The following PCSK5 variants were observed in gnomAD, a reference collection of about 807,000 sequenced individuals.
The protein encoded by PCSK5 is proprotein convertase subtilisin/kexin type 5, also known as prohormone convertase 5.
Under a neutral mutation model 233.2 loss-of-function variants are expected in PCSK5, and 129 were observed. The ratio of observed to expected loss-of-function variants is 0.55; its 90% CI spans 0.48 to 0.64. The LOEUF (loss-of-function observed/expected upper bound fraction) is 0.64, where lower values mean the gene tolerates loss of function less well. PCSK5 is among the 30% of genes least tolerant of loss of function. The pLI is 0.00. For missense variants in PCSK5, 2,076 were observed against 2,430.1 expected, an observed-to-expected ratio of 0.85 and a Z score of 3.06; for synonymous variants, 825 against 879.2, an observed-to-expected ratio of 0.94 and a Z score of 1.09.
intron 2 of PCSK5, among the ~76,000 whole-genome samples, chr9:75,946,231 G>A (rs1430986147): frequency 6.6e-6 from 1 of 152,190 alleles, no homozygotes; most frequent in Non-Finnish European, 1.5e-5. Context: ...TTATGGTGAT[G>A]TACACGGTAC....
intron 12 of PCSK5, among the ~76,000 whole-genome samples, chr9:76,166,496 TAATCCAGCAGTCA>T (rs1823092641): frequency 6.6e-6 from 1 of 152,220 alleles, no homozygotes; most frequent in Non-Finnish European, 1.5e-5. Context: ...TAGGGTCTGC[TAATCCAGCAGTCA>T]AATCATTGAC....
intron 1 of PCSK5, among the ~76,000 whole-genome samples, chr9:75,896,260 T>C (rs909160517): frequency 9.9e-5 from 15 of 152,154 alleles, no homozygotes; most frequent in Admixed American, 9.2e-4. Context: ...ACCTCATAGA[T>C]AAGGAATGGT....
intron 5 of PCSK5, among the ~76,000 whole-genome samples, chr9:76,029,604 G>A (rs922665728): frequency 1.6e-4 from 25 of 152,190 alleles, no homozygotes; most frequent in African/African-American, 4.8e-4. Context: ...ATGGAACTGC[G>A]TTCCATAAGG....
chr9:76,234,359 C>T (rs1587788388), intron 22 of PCSK5, among the ~76,000 whole-genome samples: 1 of 152,178 alleles, frequency 6.6e-6, no homozygotes, highest in Admixed American at 6.5e-5. Context: ...AAAGAGGCTG[C>T]TCTCCATCTC....
chr9:75,904,860 C>T (rs1462592310), intron 1 of PCSK5, among the ~76,000 whole-genome samples: 1 of 152,102 alleles, frequency 6.6e-6, no homozygotes, highest in African/African-American at 2.4e-5. Context: ...GTGTTCATGC[C>T]ATCATTATTC....
chr9:76,023,615 A>C lies in PCSK5; in HGVS notation c.412-123A>C, dbSNP rs74388657. 4,504 of 834,096 alleles carry C rather than the reference A, an allele frequency of 5.4e-3. 139 individuals are homozygous for C. Among genetic ancestry groups the C allele is most frequent in the South Asian group, 0.049 (2,336 of 48,014 alleles). The allele number at this position is 834,096 out of a possible 1,614,324, so 51.7% of individuals were successfully genotyped here. ...AGGAGTTTGAGGTTACAGTAAGCTC[A>C]TCACACTACTACACTCCAGCCTGGG... is the stretch of plus-strand genomic sequence containing the variant. On this transcript the variant is annotated intron_variant, in intron 3 of 37. Coordinates refer to ENST00000674117, the MANE Select transcript of PCSK5 (RefSeq NM_001372043.1).
At position 76,189,663 on chromosome 9, in the gene PCSK5, C is replaced by A; in HGVS notation, c.2543C>A (p.Pro848Gln). The change falls in exon 20 of 38, where the codon CCA (proline) becomes CAA (glutamine). Residue 848 changes from proline (P) to glutamine (Q), a missense_variant. Around this residue, in one of 6 missense-constraint regions of PCSK5, gnomAD observed 1,510 missense variants for 1,538.1 expected, o/e 0.98. Transcript: ENST00000674117. The part of the protein sequence containing the change: ...CDISCLTCNG[P>Q]GFKNCTSCPS... ...ATCAGTTGTTTGACGTGCAATGGCCCAGGATTCAAGAACTGTACAAGCTGC... is the reference window on the plus strand; with the variant it reads ...ATCAGTTGTTTGACGTGCAATGGCCAAGGATTCAAGAACTGTACAAGCTGC... The A allele has an allele frequency of 6.2e-7, 1 of 1,612,870 alleles. No individual in the cohort carries two copies. Among genetic ancestry groups the A allele is most frequent in the Non-Finnish European group, 8.5e-7 (1 of 1,178,976 alleles).
intron 2 of PCSK5, among the ~76,000 whole-genome samples, chr9:75,942,039 A>G (rs916005479): frequency 1.1e-4 from 16 of 152,254 alleles, no homozygotes; most frequent in Non-Finnish European, 2.4e-4. Flanking sequence ...AAAAGGTCAT[A>G]AACTCACGTG....
At chr9:76,289,498 C>CGCAACAT (rs1436442271) in intron 24 of PCSK5, among the ~76,000 whole-genome samples, 418 of 131,984 alleles carry the variant, frequency 3.2e-3, no homozygotes, top group South Asian at 0.01. Context: ...CACACACACA[C>CGCAACAT]ACACACACAC....
chr9:76,060,056 A>T (rs550281809), intron 5 of PCSK5, among the ~76,000 whole-genome samples: 2 of 152,338 alleles, frequency 1.3e-5, no homozygotes, highest in South Asian at 4.1e-4. Flanking sequence ...ATAAATGCCC[A>T]GATATTTATG....
intron 28 of PCSK5, among the ~76,000 whole-genome samples, chr9:76,303,536 C>T (rs1828682262): frequency 6.6e-6 from 1 of 152,152 alleles, no homozygotes; most frequent in Non-Finnish European, 1.5e-5. Flanking sequence ...GAAAATCAGC[C>T]TGAAGCCTGG....
chr9:76,344,507 G>A (rs1046575734), intron 35 of PCSK5, among the ~76,000 whole-genome samples: 4 of 152,306 alleles, frequency 2.6e-5, no homozygotes, highest in Admixed American at 1.3e-4. Context: ...TTTCATTCCA[G>A]AGACATATAT....
At chr9:75,967,898 G>A (rs1313200150) in intron 2 of PCSK5, among the ~76,000 whole-genome samples, 2 of 152,126 alleles carry the variant, frequency 1.3e-5, no homozygotes, top group East Asian at 3.9e-4. Context: ...GAATAGCTGG[G>A]ATTACAGGCA....
intron 20 of PCSK5, among the ~76,000 whole-genome samples, chr9:76,207,052 C>T (rs1564108170): frequency 6.6e-6 from 1 of 152,042 alleles, no homozygotes; most frequent in African/African-American, 2.4e-5. Flanking sequence ...GCAGTAGCCT[C>T]GTTAAATCTC....
At chr9:75,929,673 C>T (rs536505051) in intron 1 of PCSK5, among the ~76,000 whole-genome samples, 7 of 151,868 alleles carry the variant, frequency 4.6e-5, no homozygotes, top group Non-Finnish European at 8.8e-5. Context: ...TTCATGCTGC[C>T]GATAAAGACA....
chr9:75,943,548 A>G (rs898994558), intron 2 of PCSK5, among the ~76,000 whole-genome samples: 4 of 152,182 alleles, frequency 2.6e-5, no homozygotes, highest in African/African-American at 7.2e-5. Context: ...TGCAAATCTT[A>G]TTTGTATACT....
At chr9:76,068,144 A>G (rs1416718507) in intron 6 of PCSK5, 101 bp downstream of exon 6, 11 of 793,042 alleles carry the variant, frequency 1.4e-5, no homozygotes, top group Non-Finnish European at 4.4e-6. Flanking sequence ...ACGATTGGGC[A>G]TATCTCTACC....
At chr9:76,089,372 A>T (rs1292971260) in intron 7 of PCSK5, among the ~76,000 whole-genome samples, 1 of 152,194 alleles carries the variant, frequency 6.6e-6, no homozygotes, top group African/African-American at 2.4e-5. Context: ...CTTCAAGTCG[A>T]CATATACAGA....
chr9:76,111,889 A>G (rs1196951790), intron 9 of PCSK5, among the ~76,000 whole-genome samples: 1 of 152,182 alleles, frequency 6.6e-6, no homozygotes, highest in Non-Finnish European at 1.5e-5. Flanking sequence ...GGGGGAAAAA[A>G]ATAAAAGAGC....
Sources: gnomAD v4.1 joint callset for allele counts (sites outside exome capture counted in the v4.1 genomes callset) on GRCh38, gnomAD v4.1.1 for gene constraint, gnomAD v4.1.1 regional missense constraint, MANE v1.5 for transcripts, NCBI Gene and HGNC (gene_info 2026-07-23, HGNC 2026-07-21) for gene names.